The following TLE4 variants were observed in gnomAD, a reference collection of about 807,000 sequenced individuals.
TLE4 encodes the protein transducin-like enhancer protein 4.
A neutral mutation model predicts 92.8 loss-of-function variants in TLE4; 8 were observed. The ratio of observed to expected loss-of-function variants is 0.09; its 90% CI spans 0.05 to 0.16. The LOEUF is 0.16. Among genes scored for constraint, TLE4 ranks in the 10% least tolerant of loss-of-function variants. TLE4 has a pLI of 1.00. For synonymous variants in TLE4, 371 were observed against 374.1 expected (o/e 0.99, Z 0.10); for missense variants, 675 against 997.6 (o/e 0.68, Z 4.36).
chr9:79,578,478 T>G (rs1465375321), intron 4 of TLE4, among the ~76,000 whole-genome samples: 1 of 152,192 alleles, frequency 6.6e-6, no homozygotes, highest in Non-Finnish European at 1.5e-5. Context: ...ATGGTGGTTG[T>G]GATGCAGTCA....
Position 79,652,634 on chromosome 9 carries a change from C to G in TLE4, c.432C>G (p.Leu144=), listed in dbSNP as rs1045603633. ...QAQHLSHGHG[L]PVPLTPHPSG... ...AGCATTTATCACATGGACATGGTCT[C>G]CCCGTACCTCTGACTCCACACCCTT... Residue 144 remains leucine, a synonymous_variant, in exon 7 of 20, where the codon CTC becomes CTG. Coordinates refer to ENST00000376552, the MANE Select transcript of TLE4 (RefSeq NM_007005.6). 6.2e-7 allele frequency: 1 copy of G among 1,614,090 alleles called. No homozygotes were observed. The highest frequency in any genetic ancestry group is 8.5e-7 in the Non-Finnish European group (1 of 1,180,040).
At chr9:79,628,080 TG>T (rs1366753236) in intron 6 of TLE4, among the ~76,000 whole-genome samples, 12 of 152,210 alleles carry the variant, frequency 7.9e-5, no homozygotes, top group East Asian at 5.8e-4. Context: ...TATATATGTA[TG>T]TTTTTTTTTT....
chr9:79,630,146 A>G (rs2053792822), intron 6 of TLE4, among the ~76,000 whole-genome samples: 1 of 152,182 alleles, frequency 6.6e-6, no homozygotes, highest in Non-Finnish European at 1.5e-5. Flanking sequence ...CCATCCAGAC[A>G]AGAGCAAATG....
intron 9 of TLE4, 30 bp downstream of exon 9, chr9:79,704,932 G>A (rs1215444136): frequency 2.5e-6 from 4 of 1,611,534 alleles, no homozygotes; most frequent in South Asian, 1.1e-5. Context: ...TGTTAGGGGA[G>A]GCCAGCTTGC....
At chr9:79,591,860 T>C (rs962055275) in intron 4 of TLE4, among the ~76,000 whole-genome samples, 1 of 152,100 alleles carries the variant, frequency 6.6e-6, no homozygotes, top group Non-Finnish European at 1.5e-5. Context: ...GTGTGGTACC[T>C]AGGAAGGAGG....
At chr9:79,703,373 GCT>G (rs1380632157) in intron 8 of TLE4, among the ~76,000 whole-genome samples, 2 of 152,144 alleles carry the variant, frequency 1.3e-5, no homozygotes, top group Non-Finnish European at 2.9e-5. Context: ...CCTCAGTCCA[GCT>G]CCCGCTCTCC....
intron 8 of TLE4, among the ~76,000 whole-genome samples, chr9:79,692,204 A>G (rs1252881826): frequency 6.6e-6 from 1 of 152,220 alleles, no homozygotes; most frequent in Non-Finnish European, 1.5e-5. Context: ...TTGCCCTAGA[A>G]GGCACATTTG....
At chr9:79,723,451 GTT>G (rs1250308993) in intron 19 of TLE4, among the ~76,000 whole-genome samples, 8 of 152,140 alleles carry the variant, frequency 5.3e-5, no homozygotes, top group African/African-American at 1.9e-4. Context: ...TTATGGAAAA[GTT>G]TGATAAAAAT....
At chr9:79,715,290 ATCTT>A (rs1210608571) in intron 14 of TLE4, among the ~76,000 whole-genome samples, 7 of 152,188 alleles carry the variant, frequency 4.6e-5, no homozygotes, top group Non-Finnish European at 1.0e-4. Context: ...ACTTGGAATA[ATCTT>A]TCTTTCTCTT....
chr9:79,612,828 AT>A, intron 5 of TLE4, 110 bp downstream of exon 5: 3 of 894,458 alleles, frequency 3.4e-6, no homozygotes, highest in Non-Finnish European at 5.4e-6. Flanking sequence ...TGGTGTTTGT[AT>A]TTTATTTTCA....
chr9:79,647,940 G>A (rs187420036), intron 6 of TLE4, among the ~76,000 whole-genome samples: 30 of 151,744 alleles, frequency 2.0e-4, no homozygotes, highest in Admixed American at 1.6e-3. Context: ...TGGAAGGATG[G>A]GTAGAATTTA....
At chr9:79,705,421 G>A in intron 9 of TLE4, among the ~76,000 whole-genome samples, 1 of 152,234 alleles carries the variant, frequency 6.6e-6, no homozygotes, top group East Asian at 1.9e-4. Flanking sequence ...GGAGCAGTGT[G>A]GAGGCAGGCG....
chr9:79,671,775 C>T (rs1029850705), intron 8 of TLE4, among the ~76,000 whole-genome samples: 1 of 151,882 alleles, frequency 6.6e-6, no homozygotes, highest in Non-Finnish European at 1.5e-5. Flanking sequence ...GGAGTGATTG[C>T]AGTATTCAGG....
intron 8 of TLE4, among the ~76,000 whole-genome samples, chr9:79,688,860 C>A (rs1367142871): frequency 6.6e-6 from 1 of 152,016 alleles, no homozygotes; most frequent in African/African-American, 2.4e-5. Context: ...GTTACTTGAG[C>A]TGCCTGAGTG....
intron 5 of TLE4, 141 bp from the exon 6 acceptor site, chr9:79,627,233 C>T (rs2052851239): frequency 1.3e-6 from 1 of 798,514 alleles, no homozygotes; most frequent in Admixed American, 2.0e-5. Context: ...TCATCCATCA[C>T]CTCAGGCTTG....
At chr9:79,720,009 C>T in intron 15 of TLE4, 37 bp from the exon 16 acceptor site, 1 of 1,572,446 alleles carries the variant, frequency 6.4e-7, no homozygotes, top group Non-Finnish European at 8.7e-7. Flanking sequence ...TTTTCCTTTC[C>T]TCATGAGTAA....
chr9:79,627,515 T>C (rs2052927676), intron 6 of TLE4, 67 bp downstream of exon 6: 1 of 1,521,748 alleles, frequency 6.6e-7, no homozygotes, highest in Admixed American at 1.7e-5. Context: ...TCTCTCTTTT[T>C]ACATTTTGTT....
At chr9:79,669,903 CAAAA>C (rs992600633) in intron 8 of TLE4, among the ~76,000 whole-genome samples, 3 of 151,984 alleles carry the variant, frequency 2.0e-5, no homozygotes. Flanking sequence ...GTGCTCCACT[CAAAA>C]AAGTTACATG....
At chr9:79,635,437 G>A (rs1253833792) in intron 6 of TLE4, among the ~76,000 whole-genome samples, 1 of 151,298 alleles carries the variant, frequency 6.6e-6, no homozygotes, top group East Asian at 1.9e-4. Context: ...TGGACTTTTG[G>A]TGTTGTCTGT....
Sources: allele counts gnomAD v4.1 joint callset (sites outside exome capture counted in the v4.1 genomes callset), GRCh38; gene constraint gnomAD v4.1.1; transcripts MANE v1.5; gene names NCBI Gene and HGNC (gene_info 2026-07-23, HGNC 2026-07-21).